Variants in COL19A1 observed in about 807,000 individuals in gnomAD.
COL19A1 encodes collagen alpha-1(XIX) chain.
Under a neutral mutation model 190.2 loss-of-function variants are expected in COL19A1, and 159 were observed. The ratio of observed to expected loss-of-function variants is 0.84; its 90% CI spans 0.73 to 0.95. The LOEUF (loss-of-function observed/expected upper bound fraction) is 0.95, where lower values mean the gene tolerates loss of function less well. Ranked by LOEUF, COL19A1 falls within the 40% of genes least tolerant of loss-of-function variation. The pLI, the probability that COL19A1 is intolerant of heterozygous loss-of-function variation, is 0.00. For missense variants in COL19A1, 1,418 were observed against 1,431.9 expected, an observed-to-expected ratio of 0.99 and a Z score of 0.16; for synonymous variants, 509 against 458.9, an observed-to-expected ratio of 1.11 and a Z score of -1.39.
chr6:69,993,553 T>A (rs1776738702), intron 11 of COL19A1, among the ~76,000 whole-genome samples: 1 of 151,432 alleles, frequency 6.6e-6, no homozygotes, highest in Admixed American at 6.6e-5. Context: ...TCTTTATTTG[T>A]CTAGTAGAAT....
At chr6:70,137,332 CTT>C (rs1785933195) in intron 18 of COL19A1, among the ~76,000 whole-genome samples, 1 of 152,222 alleles carries the variant, frequency 6.6e-6, no homozygotes, top group East Asian at 1.9e-4. Context: ...AGTCTGATGT[CTT>C]TGAGATCACA....
intron 11 of COL19A1, among the ~76,000 whole-genome samples, chr6:70,017,278 C>T (rs1778165508): frequency 6.6e-6 from 1 of 151,934 alleles, no homozygotes; most frequent in African/African-American, 2.4e-5. Context: ...TAGAAAAAAG[C>T]AAAACTATAG....
At chr6:70,149,562 A>T (rs939083074) in intron 27 of COL19A1, 142 bp from the exon 28 acceptor site, 6 of 933,622 alleles carry the variant, frequency 6.4e-6, no homozygotes, top group Non-Finnish European at 6.4e-6. Context: ...GTCTTGGCCG[A>T]CTTTGCAGTT....
chr6:69,870,046 G>A (rs1767730302), intron 1 of COL19A1, among the ~76,000 whole-genome samples: 2 of 152,130 alleles, frequency 1.3e-5, no homozygotes, highest in African/African-American at 4.8e-5. Flanking sequence ...CTTTCTTTTA[G>A]TAATTTTTAC....
At chr6:70,045,925 C>T (rs1779886181) in intron 14 of COL19A1, among the ~76,000 whole-genome samples, 1 of 152,178 alleles carries the variant, frequency 6.6e-6, no homozygotes. Context: ...GTTGACTCCC[C>T]TCCAGTATCT....
chr6:70,203,659 A>G (rs1019935954), intron 49 of COL19A1, among the ~76,000 whole-genome samples: 12 of 151,868 alleles, frequency 7.9e-5, no homozygotes, highest in Admixed American at 5.2e-4. Context: ...AGGCGCACAG[A>G]TTTACAACTT....
chr6:70,062,890 T>A (rs1307659745), intron 14 of COL19A1, among the ~76,000 whole-genome samples: 5 of 151,966 alleles, frequency 3.3e-5, no homozygotes, highest in African/African-American at 1.2e-4. Flanking sequence ...AAGAAGGCCA[T>A]TACATAATGG....
At chr6:69,914,415 T>C (rs543275693) in intron 4 of COL19A1, among the ~76,000 whole-genome samples, 1 of 152,114 alleles carries the variant, frequency 6.6e-6, no homozygotes, top group Non-Finnish European at 1.5e-5. Flanking sequence ...CTCACTTCAC[T>C]CTCAGGAAAT....
chr6:69,960,046 G>A lies in COL19A1; in HGVS notation c.981+6G>A. The A allele has an allele frequency of 6.2e-7, 1 of 1,611,840 alleles. No individual in the cohort carries two copies. The highest frequency in any genetic ancestry group is 8.5e-7 in the Non-Finnish European group (1 of 1,179,008). On this transcript the variant is annotated splice_donor_region_variant and intron_variant, in intron 10 of 50. Coordinates refer to ENST00000620364, the MANE Select transcript of COL19A1 (RefSeq NM_001858.6). ...CAGGATTCCCTGGTCAAAAGGTAAA[G>A]AGTTCTTGAATGTTTCATCTGAGTT... is the stretch of plus-strand genomic sequence containing the variant.
chr6:70,090,992 G>T (rs1304916965), intron 15 of COL19A1, among the ~76,000 whole-genome samples: 1 of 152,134 alleles, frequency 6.6e-6, no homozygotes, highest in African/African-American at 2.4e-5. Context: ...GACTCACTTT[G>T]TTCACATTTC....
At chr6:69,922,969 C>A (rs1344015388) in intron 4 of COL19A1, among the ~76,000 whole-genome samples, 1 of 152,092 alleles carries the variant, frequency 6.6e-6, no homozygotes, top group Non-Finnish European at 1.5e-5. Context: ...TCAGTCTTAA[C>A]AACAGATGGA....
At chr6:70,066,164 G>A (rs1781182785) in intron 14 of COL19A1, among the ~76,000 whole-genome samples, 2 of 152,176 alleles carry the variant, frequency 1.3e-5, no homozygotes, top group Admixed American at 1.3e-4. Flanking sequence ...GTTTATTGCA[G>A]CACTGCTCAC....
intron 25 of COL19A1, 34 bp downstream of exon 25, chr6:70,145,041 G>T (rs537142190): frequency 1.4e-6 from 2 of 1,429,204 alleles, no homozygotes; most frequent in East Asian, 2.4e-5. Flanking sequence ...TATTTTTCTT[G>T]CAAGTTCATT....
rs534075993 is a variant in COL19A1 at position 70,101,752 on chromosome 6, A to C, written c.1225-417A>C. 3.9e-5 allele frequency among the ~76,000 whole-genome samples: 6 copies of C among 152,258 alleles called. No individual in the cohort carries two copies. The East Asian group carries it at 1.2e-3, about 29-fold the overall frequency. On this transcript the variant is annotated intron_variant, in intron 15 of 50. Transcript: ENST00000620364. ...ATATGCATGTTTAACACCCAAACTCACCCTCAAATAACTCATACAAAATTA... is the reference window on the plus strand; with the variant it reads ...ATATGCATGTTTAACACCCAAACTCCCCCTCAAATAACTCATACAAAATTA...
intron 6 of COL19A1, 55 bp downstream of exon 6, chr6:69,929,755 A>AT: frequency 6.7e-7 from 1 of 1,483,608 alleles, no homozygotes; most frequent in South Asian, 1.4e-5. Flanking sequence ...TAAAAAAAAA[A>AT]TCTTATTAAA....
intron 11 of COL19A1, among the ~76,000 whole-genome samples, chr6:70,008,376 G>A (rs978507202): frequency 6.6e-6 from 1 of 151,772 alleles, no homozygotes; most frequent in African/African-American, 2.4e-5. Flanking sequence ...AGACCCTACA[G>A]AAACTGAAAG....
Position 69,950,674 on chromosome 6 carries a change from CCACACACACACA to C in COL19A1, c.937-9291_937-9280del, listed in dbSNP as rs56757599. 8.8e-3 allele frequency among the ~76,000 whole-genome samples: 1,201 copies of C among 136,244 alleles called. 9 individuals are homozygous for C. Among genetic ancestry groups the C allele is most frequent in the Non-Finnish European group, 0.012 (733 of 62,252 alleles). The allele number at this position is 136,244 out of a possible 152,430, so 89.4% of individuals were successfully genotyped here. A position where few individuals can be genotyped will look rare whatever the true frequency, so the allele number is the denominator to read the frequency against. ...AAAGCATGAGATCACATGAATGCAGCCACACACACACACACACACACACACACACACACACAC... is the reference window on the plus strand; with the variant it reads ...AAAGCATGAGATCACATGAATGCAGCCACACACACACACACACACACACAC... On this transcript the variant is annotated intron_variant, in intron 9 of 50. Transcript: ENST00000620364.
At chr6:69,911,789 G>C (rs1205158511) in intron 4 of COL19A1, among the ~76,000 whole-genome samples, 2 of 152,120 alleles carry the variant, frequency 1.3e-5, no homozygotes, top group African/African-American at 4.8e-5. Flanking sequence ...TGATCCCCCT[G>C]CTCTTGGGTC....
intron 16 of COL19A1, among the ~76,000 whole-genome samples, chr6:70,116,481 T>C (rs1784585758): frequency 6.6e-6 from 1 of 152,212 alleles, no homozygotes; most frequent in South Asian, 2.1e-4. Context: ...TACAAACATG[T>C]ACATAAGCCA....
Sources: gnomAD v4.1 joint callset for allele counts (sites outside exome capture counted in the v4.1 genomes callset) on GRCh38, gnomAD v4.1.1 for gene constraint, MANE v1.5 for transcripts, NCBI Gene and HGNC (gene_info 2026-07-23, HGNC 2026-07-21) for gene names.